The following GRIN3A variants were observed in gnomAD, a reference collection of about 807,000 sequenced individuals.
GRIN3A encodes the protein glutamate ionotropic receptor NMDA type subunit 3A.
In GRIN3A, 47 loss-of-function variants were observed where a neutral mutation model predicts 92.4. The ratio of observed to expected loss-of-function variants is 0.51; its 90% CI spans 0.40 to 0.65. The LOEUF is 0.65. Ranked by LOEUF, GRIN3A falls within the 30% of genes least tolerant of loss-of-function variation. The pLI, the probability that GRIN3A is intolerant of heterozygous loss-of-function variation, is 0.00. For missense variants in GRIN3A, 1,324 were observed against 1,393.1 expected (o/e 0.95, Z 0.79); for synonymous variants, 527 against 540.6 (o/e 0.97, Z 0.35).
At chr9:101,641,592 G>T (rs1828864089) in intron 3 of GRIN3A, among the ~76,000 whole-genome samples, 1 of 151,222 alleles carries the variant, frequency 6.6e-6, no homozygotes, top group Non-Finnish European at 1.5e-5. Flanking sequence ...AGAACACATG[G>T]ACACAGGAAG....
chr9:101,633,611 C>T (rs553425737), intron 3 of GRIN3A, among the ~76,000 whole-genome samples: 96 of 152,254 alleles, frequency 6.3e-4, no homozygotes, highest in South Asian at 3.3e-3. Context: ...AGGTCAGCAG[C>T]GGCATGATAT....
intron 6 of GRIN3A, among the ~76,000 whole-genome samples, chr9:101,582,553 A>T (rs1453276533): frequency 6.6e-6 from 1 of 152,192 alleles, no homozygotes; most frequent in East Asian, 1.9e-4. Flanking sequence ...TCTGTGTGCA[A>T]ATGGTGACTA....
intron 6 of GRIN3A, chr9:101,595,158 T>C (rs1828103326): frequency 3.5e-6 from 2 of 575,444 alleles, no homozygotes; most frequent in Non-Finnish European, 6.2e-6. Flanking sequence ...GTGGGTGCTG[T>C]CTGGGCAGGA....
chr9:101,601,277 G>A (rs916575662), intron 6 of GRIN3A, among the ~76,000 whole-genome samples: 9 of 152,204 alleles, frequency 5.9e-5, no homozygotes, highest in African/African-American at 2.2e-4. Context: ...GTTTGGCTAA[G>A]ACATTTAGTC....
At chr9:101,736,486 A>G (rs1337928249) in intron 1 of GRIN3A, among the ~76,000 whole-genome samples, 3 of 152,128 alleles carry the variant, frequency 2.0e-5, no homozygotes, top group African/African-American at 7.2e-5. Flanking sequence ...AAACTAAATC[A>G]TTTAATTCCT....
intron 2 of GRIN3A, among the ~76,000 whole-genome samples, chr9:101,682,977 G>A (rs1004460592): frequency 1.6e-4 from 25 of 152,176 alleles, no homozygotes; most frequent in African/African-American, 6.0e-4. Flanking sequence ...GAAAGACTCC[G>A]TCTCAAAAAC....
rs368003556 is a variant in GRIN3A at position 101,686,647 on chromosome 9, T to C, written c.1253A>G (p.Asn418Ser). 1.2e-6 allele frequency: 2 copies of C among 1,614,042 alleles called. No individual in the cohort carries two copies. The highest frequency in any genetic ancestry group is 1.7e-6 in the Non-Finnish European group (2 of 1,180,036). Residue 418 changes from asparagine (N) to serine (S), a missense_variant, in exon 2 of 9, where the codon AAC (asparagine) becomes AGC (serine). By Grantham distance (46) the Asn-to-Ser change is conservative. Coordinates refer to ENST00000361820, the MANE Select transcript of GRIN3A (RefSeq NM_133445.3). ...ATTTGTAGTTTCCACCTCCATGCAG[T>C]TCATCGTGCTGGGAATGAGAGCAAG... ...PELALIPSTM[N>S]CMEVETTNLT...
intron 3 of GRIN3A, among the ~76,000 whole-genome samples, chr9:101,641,883 T>G (rs1828870337): frequency 6.6e-6 from 1 of 152,114 alleles, no homozygotes; most frequent in Non-Finnish European, 1.5e-5. Context: ...TAAATGTATT[T>G]CATTGGTTTA....
At chr9:101,699,575 A>G (rs1829729483) in intron 1 of GRIN3A, among the ~76,000 whole-genome samples, 1 of 152,154 alleles carries the variant, frequency 6.6e-6, no homozygotes, top group Admixed American at 6.5e-5. Context: ...ATAGTCTAGC[A>G]TCTCAAAACA....
intron 3 of GRIN3A, among the ~76,000 whole-genome samples, chr9:101,652,397 T>C (rs1472897450): frequency 6.6e-6 from 1 of 151,866 alleles, no homozygotes; most frequent in Admixed American, 6.6e-5. Context: ...TGACACCCTA[T>C]GAAAGTTAGA....
chr9:101,577,014 C>A (rs972799176), intron 8 of GRIN3A, among the ~76,000 whole-genome samples: 1 of 152,150 alleles, frequency 6.6e-6, no homozygotes, highest in Non-Finnish European at 1.5e-5. Flanking sequence ...GGAACCAGAC[C>A]CAAGTGCTTC....
intron 5 of GRIN3A, among the ~76,000 whole-genome samples, chr9:101,622,874 T>G (rs896490121): frequency 3.0e-4 from 46 of 152,006 alleles, no homozygotes; most frequent in Admixed American, 3.0e-3. Flanking sequence ...TGCTAGAGTA[T>G]TTGGCTGTTA....
At chr9:101,695,619 T>G (rs1446726162) in intron 1 of GRIN3A, among the ~76,000 whole-genome samples, 1 of 152,142 alleles carries the variant, frequency 6.6e-6, no homozygotes, top group Non-Finnish European at 1.5e-5. Context: ...CAGCAGAACC[T>G]GACAATTAAG....
intron 1 of GRIN3A, among the ~76,000 whole-genome samples, chr9:101,723,959 G>C (rs765587294): frequency 9.2e-5 from 14 of 152,136 alleles, no homozygotes; most frequent in Non-Finnish European, 1.9e-4. Flanking sequence ...CCCTGAGCTA[G>C]ACACGGGGTG....
chr9:101,636,524 AAGGACATGAATCCAGAAACCTG>A (rs1416398304), intron 3 of GRIN3A, among the ~76,000 whole-genome samples: 1 of 152,214 alleles, frequency 6.6e-6, no homozygotes, highest in Non-Finnish European at 1.5e-5. Flanking sequence ...ATGGCAGATC[AAGGACATGAATCCAGAAACCTG>A]AGAACTTGCA....
At chr9:101,704,295 A>G (rs1829787887) in intron 1 of GRIN3A, among the ~76,000 whole-genome samples, 1 of 152,194 alleles carries the variant, frequency 6.6e-6, no homozygotes, top group Admixed American at 6.5e-5. Flanking sequence ...GTCATGTTAT[A>G]CAGAGGCCCA....
chr9:101,616,849 A>G (rs1828461847), intron 5 of GRIN3A, among the ~76,000 whole-genome samples: 1 of 147,664 alleles, frequency 6.8e-6, no homozygotes, highest in African/African-American at 2.5e-5. Context: ...TATGAAACTA[A>G]CCTGCACAAT....
intron 8 of GRIN3A, among the ~76,000 whole-genome samples, chr9:101,576,570 CAA>C (rs1281672406): frequency 6.6e-6 from 1 of 152,144 alleles, no homozygotes; most frequent in East Asian, 1.9e-4. Flanking sequence ...AGCTGGAAAA[CAA>C]ATATTTTTTC....
At chr9:101,585,404 C>T (rs575580329) in intron 6 of GRIN3A, among the ~76,000 whole-genome samples, 218 of 152,268 alleles carry the variant, frequency 1.4e-3, no homozygotes, top group Non-Finnish European at 2.9e-3. Flanking sequence ...GTCAATGACT[C>T]CCAAGAGTTG....
Sources: gnomAD v4.1 joint callset for allele counts (sites outside exome capture counted in the v4.1 genomes callset) on GRCh38, gnomAD v4.1.1 for gene constraint, MANE v1.5 for transcripts, NCBI Gene and HGNC (gene_info 2026-07-23, HGNC 2026-07-21) for gene names.